The following TNKS variants were observed in gnomAD, a reference collection of about 807,000 sequenced individuals.
TNKS encodes tankyrase.
Under a neutral mutation model 135.8 loss-of-function variants are expected in TNKS, and 72 were observed. That is an observed-to-expected ratio of 0.53 (90% CI 0.44 to 0.64). TNKS has a LOEUF of 0.64. TNKS is among the 30% of genes least tolerant of loss of function. The pLI is 0.00. For missense variants in TNKS, 1,769 were observed against 1,674.0 expected (o/e 1.06, Z -0.99); for synonymous variants, 849 against 649.3 (o/e 1.31, Z -4.68).
At chr8:9,621,084 T>A (rs2128767580) in intron 3 of TNKS, among the ~76,000 whole-genome samples, 1 of 152,328 alleles carries the variant, frequency 6.6e-6, no homozygotes, top group Middle Eastern at 3.4e-3. Context: ...ATTTTTAGCT[T>A]CCTAAAAATA....
intron 3 of TNKS, among the ~76,000 whole-genome samples, chr8:9,628,318 T>A (rs1401476011): frequency 1.3e-5 from 2 of 152,216 alleles, no homozygotes; most frequent in Non-Finnish European, 2.9e-5. Flanking sequence ...ACTGTTTTCA[T>A]CCCTAACGAC....
chr8:9,730,447 C>A (rs1444621997), intron 13 of TNKS, among the ~76,000 whole-genome samples: 2 of 152,176 alleles, frequency 1.3e-5, no homozygotes, highest in Non-Finnish European at 2.9e-5. Context: ...TTCTCCAGAC[C>A]CTTTTTGCTT....
chr8:9,674,784 T>C (rs1174343038), intron 3 of TNKS, among the ~76,000 whole-genome samples: 2 of 152,128 alleles, frequency 1.3e-5, no homozygotes, highest in African/African-American at 4.8e-5. Context: ...AAGGAAAGGG[T>C]CTCTACCAGG....
At chr8:9,561,729 C>G (rs569105523) in intron 1 of TNKS, among the ~76,000 whole-genome samples, 2 of 152,264 alleles carry the variant, frequency 1.3e-5, no homozygotes, top group African/African-American at 2.4e-5. Flanking sequence ...ATTAGAATCT[C>G]TGGGTCTTAG....
At chr8:9,648,571 T>C (rs1218332536) in intron 3 of TNKS, among the ~76,000 whole-genome samples, 1 of 152,206 alleles carries the variant, frequency 6.6e-6, no homozygotes, top group Non-Finnish European at 1.5e-5. Flanking sequence ...CATTTTCAAG[T>C]ATTATGTATT....
At chr8:9,735,761 C>T (rs1477675403) in intron 17 of TNKS, among the ~76,000 whole-genome samples, 2 of 152,030 alleles carry the variant, frequency 1.3e-5, no homozygotes, top group African/African-American at 4.8e-5. Context: ...GATCGCGCCA[C>T]TGCACTCCAG....
intron 1 of TNKS, chr8:9,566,630 C>T (rs1224659810): frequency 7.3e-5 from 8 of 110,198 alleles, no homozygotes; most frequent in African/African-American, 2.8e-4. Context: ...GAGACGGAGT[C>T]TCGCTCTGTC....
chr8:9,574,433 C>G (rs1271812921), intron 1 of TNKS, among the ~76,000 whole-genome samples: 2 of 152,086 alleles, frequency 1.3e-5, no homozygotes, highest in African/African-American at 4.8e-5. Context: ...TTTTTCCAAC[C>G]CACTATCGGT....
At chr8:9,714,275 T>G (rs1003335274) in intron 11 of TNKS, among the ~76,000 whole-genome samples, 2 of 151,920 alleles carry the variant, frequency 1.3e-5, no homozygotes, top group African/African-American at 4.8e-5. Context: ...TTGGGCTAAA[T>G]TTCCCTGAGT....
intron 4 of TNKS, 112 bp downstream of exon 4, chr8:9,680,099 C>A: frequency 1.3e-6 from 1 of 748,798 alleles, no homozygotes. Context: ...GGATTTTATG[C>A]AATTATGCAG....
rs1314117256 is a variant in TNKS at position 9,708,421 on chromosome 8, G to C, written c.1507G>C (p.Ala503Pro). ...ACAAGCAGCCAGAGAAGCAGACTTA[G>C]CTAAAGTTAAAAAAACACTCGCTCT... ...LLQAAREADL[A>P]KVKKTLALEI... The change falls in exon 9 of 27, where the codon GCT becomes CCT. Residue 503 changes from alanine (A) to proline (P), a missense_variant. Coordinates refer to ENST00000310430, the MANE Select transcript of TNKS (RefSeq NM_003747.3). 6.2e-7 allele frequency: 1 copy of C among 1,609,476 alleles called. No homozygotes were observed. Among genetic ancestry groups the C allele is most frequent in the Non-Finnish European group, 8.5e-7 (1 of 1,177,636 alleles).
intron 3 of TNKS, among the ~76,000 whole-genome samples, chr8:9,662,182 T>C: frequency 6.6e-6 from 1 of 152,216 alleles, no homozygotes; most frequent in Non-Finnish European, 1.5e-5. Context: ...TGGAAGTCAG[T>C]GTGGCGATTC....
At chr8:9,567,243 CT>C (rs1264738064) in intron 1 of TNKS, among the ~76,000 whole-genome samples, 2 of 152,274 alleles carry the variant, frequency 1.3e-5, no homozygotes, top group East Asian at 3.9e-4. Flanking sequence ...TAAAGTAAAA[CT>C]TTTTTGTAAG....
chr8:9,753,034 A>G (rs1029677099), intron 20 of TNKS, among the ~76,000 whole-genome samples: 28 of 152,006 alleles, frequency 1.8e-4, no homozygotes, highest in African/African-American at 6.8e-4. Flanking sequence ...CTTACGAGCT[A>G]TTCTTAAACC....
chr8:9,743,557 A>C (rs925469845), intron 17 of TNKS: 1 of 152,204 alleles, frequency 6.6e-6, no homozygotes, highest in African/African-American at 2.4e-5. Context: ...AATGTAAGGC[A>C]TTATAAAAAT....
intron 1 of TNKS, among the ~76,000 whole-genome samples, chr8:9,560,657 C>A (rs10111980): frequency 6.6e-6 from 1 of 151,486 alleles, no homozygotes; most frequent in Non-Finnish European, 1.5e-5. Context: ...TCTTACACTT[C>A]TCGTTGCCTG....
chr8:9,772,397 G>A (rs1339657503), intron 26 of TNKS: 3 of 455,402 alleles, frequency 6.6e-6, no homozygotes, highest in Admixed American at 2.4e-5. Context: ...CGACATCTCT[G>A]CAGCATTCCA....
intron 3 of TNKS, among the ~76,000 whole-genome samples, chr8:9,659,654 C>T (rs1801598041): frequency 6.6e-6 from 1 of 151,808 alleles, no homozygotes; most frequent in South Asian, 2.1e-4. Context: ...AAATTGACAC[C>T]CTAACATCAC....
intron 17 of TNKS, among the ~76,000 whole-genome samples, chr8:9,745,140 ACAAAAATT>A (rs1806171513): frequency 6.6e-6 from 1 of 152,196 alleles, no homozygotes; most frequent in South Asian, 2.1e-4. Flanking sequence ...GGTTAACTTA[ACAAAAATT>A]GCTGCCTTTT....
Sources: gnomAD v4.1 joint callset for allele counts (sites outside exome capture counted in the v4.1 genomes callset) on GRCh38, gnomAD v4.1.1 for gene constraint, MANE v1.5 for transcripts, NCBI Gene and HGNC (gene_info 2026-07-23, HGNC 2026-07-21) for gene names.